The following CAPRIN2 variants were observed in gnomAD, a reference collection of about 807,000 sequenced individuals.
CAPRIN2 encodes caprin-2.
In CAPRIN2, 66 loss-of-function variants were observed where a neutral mutation model predicts 130.4. The ratio of observed to expected loss-of-function variants is 0.51; its 90% CI spans 0.42 to 0.62. The LOEUF is 0.62. Among genes scored for constraint, CAPRIN2 ranks in the 20% least tolerant of loss-of-function variants. The pLI is 0.00. For synonymous variants in CAPRIN2, 471 were observed against 444.1 expected (o/e 1.06, Z -0.76); for missense variants, 1,185 against 1,246.6 (o/e 0.95, Z 0.74).
At chr12:30,744,683 T>C in intron 2 of CAPRIN2, among the ~76,000 whole-genome samples, 1 of 152,206 alleles carries the variant, frequency 6.6e-6, no homozygotes, top group East Asian at 1.9e-4. Context: ...TATCATCCTA[T>C]ACTTCACCTT....
chr12:30,718,684 C>T (rs2058430966), intron 12 of CAPRIN2, among the ~76,000 whole-genome samples: 1 of 152,144 alleles, frequency 6.6e-6, no homozygotes, highest in Admixed American at 6.5e-5. Context: ...TGACAGAACA[C>T]CCAAGTATGT....
chr12:30,752,736 CG>C (rs545133380), intron 1 of CAPRIN2, among the ~76,000 whole-genome samples: 41 of 151,300 alleles, frequency 2.7e-4, no homozygotes, highest in Admixed American at 2.2e-3. Flanking sequence ...AGAAGAGAAA[CG>C]TAATACAGCA....
In CAPRIN2 at chr12:30,751,474, G is replaced by A. The variant is rs186212069; in HGVS notation, c.421-341C>T. On this transcript the variant is annotated intron_variant, in intron 1 of 16. Transcript: ENST00000298892. Reference sequence around the variant, plus strand: ...TAGCTTCTCAACAGGGAACAATTTTGTCCCCCAAAGATACCTGGCAATATC... The same window carrying A: ...TAGCTTCTCAACAGGGAACAATTTTATCCCCCAAAGATACCTGGCAATATC... The A allele has an allele frequency of 2.7e-4, 60 of 218,586 alleles. 1 individual carries two copies. The highest frequency in any genetic ancestry group is 1.3e-3 in the African/African-American group (59 of 44,012). 13.5% of individuals were successfully genotyped at this position (218,586 alleles called of 1,614,324 possible).
At chr12:30,737,385 A>C (rs965824785) in intron 3 of CAPRIN2, among the ~76,000 whole-genome samples, 2 of 152,126 alleles carry the variant, frequency 1.3e-5, no homozygotes, top group African/African-American at 4.8e-5. Flanking sequence ...GACAAATATC[A>C]GGGCCTCAAA....
intron 12 of CAPRIN2, among the ~76,000 whole-genome samples, chr12:30,716,958 G>A (rs541187239): frequency 5.9e-5 from 9 of 152,290 alleles, no homozygotes; most frequent in Non-Finnish European, 1.3e-4. Context: ...GCAAGGATGC[G>A]GAGGAACTGG....
chr12:30,740,111 T>C (rs2066729891), intron 3 of CAPRIN2, among the ~76,000 whole-genome samples: 1 of 151,974 alleles, frequency 6.6e-6, no homozygotes, highest in South Asian at 2.1e-4. Flanking sequence ...TAGTTCACTA[T>C]AAAGAAAAAT....
chr12:30,724,337 C>T lies in CAPRIN2; in HGVS notation c.1987+33G>A, dbSNP rs747472507. 9.2e-6 allele frequency: 12 copies of T among 1,297,418 alleles called. No homozygotes were observed. The East Asian group carries it at 1.8e-4, about 20-fold the overall frequency. 80.4% of individuals were successfully genotyped at this position (1,297,418 alleles called of 1,614,324 possible). On this transcript the variant is annotated intron_variant, in intron 10 of 16. Transcript: ENST00000298892. The stretch of plus-strand genomic sequence containing the variant: ...ACAACAAATAGCTGTTAGCTCAAGA[C>T]GTTTGCTCCAAGTCTTTAGAATGAT...
exon 2 of CAPRIN2, chr12:30,751,126 A>G (rs747195658): frequency 1.9e-6 from 3 of 1,613,596 alleles, no homozygotes. Flanking sequence ...ATAATCCTCC[A>G]GTTTGAGCTA....
rs375395172 is a variant in CAPRIN2, at chr12:30,728,639, T to A, written c.1782+9A>T. ...ACTTACAGAAGCAGAATGATACAGA[T>A]CAACTCACATCTTTGGGTTCTGTGT... On this transcript the variant is annotated intron_variant, in intron 8 of 16. Coordinates refer to ENST00000298892, the Ensembl canonical transcript of CAPRIN2. 1.4e-5 allele frequency: 22 copies of A among 1,594,406 alleles called. No homozygotes were observed. The highest frequency in any genetic ancestry group is 5.2e-5 in the Admixed American group (3 of 58,020).
chr12:30,731,232 T>A (rs1179772334), intron 6 of CAPRIN2, 111 bp downstream of exon 7: 2 of 698,028 alleles, frequency 2.9e-6, no homozygotes, highest in Non-Finnish European at 4.6e-6. Context: ...AAGATTTCCA[T>A]GCATGTAGAA....
Position 30,728,928 on chromosome 12 carries a change from A to G in CAPRIN2, c.1502T>C (p.Leu501Pro), listed in dbSNP as rs780801759. 3.7e-6 allele frequency: 6 copies of G among 1,614,150 alleles called. No homozygotes were observed. In the Admixed American group the frequency reaches 6.7e-5, roughly 18 times the overall value. The change falls in exon 8 of 17, where the codon CTG becomes CCG. Residue 501 changes from leucine to proline, a missense_variant. Leu to Pro is a moderately conservative substitution (Grantham distance 98). This residue lies in a region of CAPRIN2 where 1,104 missense variants were observed against 1,104.3 expected (regional missense o/e 1.00). Coordinates refer to ENST00000298892, the Ensembl canonical transcript of CAPRIN2. ...CTTCTTTGGATCTTGTTCTTTCTGC[A>G]GCTGAACTGGCCACAGCTTTGGTGT...
chr12:30,724,384 G>A, exon 10 of CAPRIN2: 2 of 1,608,780 alleles, frequency 1.2e-6, no homozygotes, highest in South Asian at 2.2e-5. Flanking sequence ...GGGGCTACCT[G>A]GAGTAGCTGA....
exon 8 of CAPRIN2, chr12:30,728,659 C>G (rs2061657449): frequency 3.7e-6 from 6 of 1,605,696 alleles, no homozygotes; most frequent in Non-Finnish European, 5.1e-6. Context: ...TCTTTGGGTT[C>G]TGTGTTCAAC....
intron 11 of CAPRIN2, among the ~76,000 whole-genome samples, chr12:30,722,520 C>CA (rs1381438694): frequency 6.7e-6 from 1 of 149,262 alleles, no homozygotes; most frequent in Non-Finnish European, 1.5e-5. Flanking sequence ...ACAGCTAGAA[C>CA]AAAAAATGTA....
At chr12:30,754,198 C>A (rs2075268686) in exon 1 of CAPRIN2, 1 of 160,232 alleles carries the variant, frequency 6.2e-6, no homozygotes, top group African/African-American at 2.4e-5. Context: ...CAGGTACTCT[C>A]TCAACCTGCA....
intron 8 of CAPRIN2, among the ~76,000 whole-genome samples, chr12:30,727,072 A>G (rs1436129774): frequency 1.3e-5 from 2 of 152,228 alleles, no homozygotes; most frequent in African/African-American, 2.4e-5. Flanking sequence ...CTGATTTTAA[A>G]TGCAATTCAT....
intron 7 of CAPRIN2, 23 bp from the exon 9 acceptor site, chr12:30,729,348 TAA>T: frequency 6.6e-7 from 1 of 1,505,526 alleles, no homozygotes. Context: ...ACAATGCACT[TAA>T]GTCACAAAAT....
intron 12 of CAPRIN2, among the ~76,000 whole-genome samples, chr12:30,718,682 C>A (rs1259036214): frequency 2.6e-5 from 4 of 152,190 alleles, no homozygotes; most frequent in Non-Finnish European, 4.4e-5. Context: ...AATGACAGAA[C>A]ACCCAAGTAT....
At chr12:30,715,276 A>AT in intron 13 of CAPRIN2, 135 bp from the exon 16 acceptor site, 1 of 683,476 alleles carries the variant, frequency 1.5e-6, no homozygotes, top group Non-Finnish European at 2.5e-6. Flanking sequence ...ATATTCATGT[A>AT]TATAATTCAT....
Sources: gnomAD v4.1 joint callset for allele counts (sites outside exome capture counted in the v4.1 genomes callset) on GRCh38, gnomAD v4.1.1 for gene constraint, gnomAD v4.1.1 regional missense constraint, MANE v1.5 for transcripts, NCBI Gene and HGNC (gene_info 2026-07-23, HGNC 2026-07-21) for gene names.